Variants in CALN1 observed in about 807,000 individuals in gnomAD.
CALN1 encodes the protein calneuron 1, also known as calcium-binding protein 8.
A neutral mutation model predicts 30.6 loss-of-function variants in CALN1; 17 were observed. The observed-to-expected ratio is 0.56, with a 90% confidence interval of 0.38 to 0.83. The LOEUF (loss-of-function observed/expected upper bound fraction) is 0.83, where lower values mean the gene tolerates loss of function less well. CALN1 is among the 40% of genes least tolerant of loss of function. The pLI is 0.00. For synonymous variants in CALN1, 156 were observed against 131.4 expected (o/e 1.19, Z -1.28); for missense variants, 291 against 354.9 (o/e 0.82, Z 1.45).
At chr7:72,289,930 TAG>T (rs1562844822) in intron 2 of CALN1, among the ~76,000 whole-genome samples, 1 of 151,300 alleles carries the variant, frequency 6.6e-6, no homozygotes, top group Non-Finnish European at 1.5e-5. Flanking sequence ...ATAAAACAAT[TAG>T]CCGGGCATAG....
the CALN1 span, among the ~76,000 whole-genome samples, chr7:72,455,932 A>T: frequency 2.0e-5 from 3 of 152,204 alleles, no homozygotes; most frequent in Non-Finnish European, 4.4e-5. Flanking sequence ...CACGCCTGTA[A>T]TCCCAGCACT....
chr7:71,794,052 T>A (rs1324792186), intron 6 of CALN1, among the ~76,000 whole-genome samples: 2 of 149,078 alleles, frequency 1.3e-5, no homozygotes, highest in East Asian at 3.9e-4. Context: ...CGTTAAGTGC[T>A]TTTTTTTTAT....
intron 5 of CALN1, among the ~76,000 whole-genome samples, chr7:71,842,557 A>C (rs1789997186): frequency 2.0e-5 from 3 of 152,174 alleles, no homozygotes; most frequent in African/African-American, 4.8e-5. Context: ...ATTCTGAATT[A>C]AGAAAACCTC....
intron 1 of CALN1, among the ~76,000 whole-genome samples, chr7:72,433,194 C>T (rs541779889): frequency 4.9e-4 from 75 of 152,222 alleles, no homozygotes; most frequent in Non-Finnish European, 8.7e-4. Context: ...AGATATTGAT[C>T]GCCCTCCAGC....
rs759573857 is a variant in CALN1, at chr7:71,849,149, A to C, written c.502-38657T>G. Among the ~76,000 whole-genome samples, 11 of 152,196 alleles carry C rather than the reference A, an allele frequency of 7.2e-5. 1 individual carries two copies. The highest frequency in any genetic ancestry group is 5.2e-4 in the Admixed American group (8 of 15,284). ...CATTTTAGAATTCTTATGTGTGTTT[A>C]ATCTATGTGTGGCTTATTTTTATAA... On this transcript the variant is annotated intron_variant, in intron 5 of 6. Transcript: ENST00000395275.
At chr7:71,899,485 T>A (rs1016522760) in intron 5 of CALN1, among the ~76,000 whole-genome samples, 1 of 152,088 alleles carries the variant, frequency 6.6e-6, no homozygotes, top group Admixed American at 6.6e-5. Context: ...AACAAGAAAT[T>A]TATGGGATGC....
intron 2 of CALN1, among the ~76,000 whole-genome samples, chr7:72,372,284 A>G (rs771934549): frequency 1.7e-4 from 26 of 152,204 alleles, no homozygotes; most frequent in Non-Finnish European, 4.4e-5. Flanking sequence ...CTTACTCTCC[A>G]GTAAGATAAT....
intron 5 of CALN1, among the ~76,000 whole-genome samples, chr7:71,859,112 G>C (rs1791124123): frequency 6.6e-6 from 1 of 152,144 alleles, no homozygotes. Context: ...CCCCAAGCTG[G>C]AGTGCAGCGG....
chr7:71,943,680 C>T (rs956561595), intron 5 of CALN1, among the ~76,000 whole-genome samples: 1 of 152,002 alleles, frequency 6.6e-6, no homozygotes, highest in African/African-American at 2.4e-5. Context: ...GAACTCAGGT[C>T]ATTCACCCAC....
chr7:72,133,285 A>C (rs1809285354), intron 3 of CALN1, among the ~76,000 whole-genome samples: 1 of 152,220 alleles, frequency 6.6e-6, no homozygotes, highest in South Asian at 2.1e-4. Context: ...TTGACTAATG[A>C]GATTATGCCA....
rs1792742843 is a variant in CALN1 at position 71,781,972 on chromosome 7, G to A, written c.*5803C>T. The A allele has an allele frequency of 6.6e-6, 1 of 152,196 alleles. No homozygotes were observed. Among genetic ancestry groups the A allele is most frequent in the African/African-American group, 2.4e-5 (1 of 41,450 alleles). 9.4% of individuals were successfully genotyped at this position (152,196 alleles called of 1,614,324 possible). A position where few individuals can be genotyped will look rare whatever the true frequency, so the allele number is the denominator to read the frequency against. On this transcript the variant is annotated 3_prime_UTR_variant, in exon 7 of 7. Coordinates refer to ENST00000395275, the MANE Select transcript of CALN1 (RefSeq NM_031468.4). The stretch of plus-strand genomic sequence containing the variant: ...CCTTGGAGACGTTTTGAACAGTATT[G>A]TCATGTCTCTCGAGACCCTATGAAG...
intron 4 of CALN1, among the ~76,000 whole-genome samples, chr7:72,098,724 T>TA (rs1490113921): frequency 7.0e-6 from 1 of 142,178 alleles, no homozygotes; most frequent in Non-Finnish European, 1.5e-5. Flanking sequence ...AAAAATAAAA[T>TA]AAAATAAAAT....
At chr7:72,108,067 G>C (rs1807304926) in intron 3 of CALN1, among the ~76,000 whole-genome samples, 1 of 152,174 alleles carries the variant, frequency 6.6e-6, no homozygotes. Context: ...AGCATCATTA[G>C]ATCACAATCA....
chr7:72,231,453 G>A (rs550659084), intron 3 of CALN1, among the ~76,000 whole-genome samples: 1 of 152,272 alleles, frequency 6.6e-6, no homozygotes, highest in African/African-American at 2.4e-5. Context: ...TCTCTGCAAA[G>A]GACAGGATCT....
chr7:71,973,440 T>C (rs1018762290), intron 5 of CALN1, among the ~76,000 whole-genome samples: 3 of 152,192 alleles, frequency 2.0e-5, no homozygotes, highest in African/African-American at 4.8e-5. Context: ...CCTCCCAAAG[T>C]ACTGGGATTA....
chr7:72,108,472 T>C (rs1419932679), intron 3 of CALN1, among the ~76,000 whole-genome samples: 1 of 152,224 alleles, frequency 6.6e-6, no homozygotes, highest in Non-Finnish European at 1.5e-5. Context: ...CAAAATTATA[T>C]CCATCCTTCA....
chr7:72,147,468 A>G (rs1786846475), intron 3 of CALN1, among the ~76,000 whole-genome samples: 1 of 123,034 alleles, frequency 8.1e-6, no homozygotes, highest in Non-Finnish European at 1.8e-5. Flanking sequence ...AGGAAACAAC[A>G]GGTGTTGGAG....
chr7:72,368,917 C>T (rs1482017970), intron 2 of CALN1, among the ~76,000 whole-genome samples: 2 of 149,840 alleles, frequency 1.3e-5, no homozygotes, highest in East Asian at 2.0e-4. Flanking sequence ...TGGGTTCAAG[C>T]GATTCTCCTG....
At chr7:72,300,645 G>C (rs1370594327) in intron 2 of CALN1, among the ~76,000 whole-genome samples, 10 of 152,088 alleles carry the variant, frequency 6.6e-5, no homozygotes, top group Non-Finnish European at 1.0e-4. Flanking sequence ...GAACAAAATA[G>C]AATAAGTGCA....
Sources: allele counts gnomAD v4.1 joint callset (sites outside exome capture counted in the v4.1 genomes callset), GRCh38; gene constraint gnomAD v4.1.1; transcripts MANE v1.5; gene names NCBI Gene and HGNC (gene_info 2026-07-23, HGNC 2026-07-21).